DNAJC15: variants seen among roughly 807,000 people sequenced by gnomAD.
DNAJC15 encodes dnaJ homolog subfamily C member 15.
In DNAJC15, 27 loss-of-function variants were observed where a neutral mutation model predicts 22.4. The observed-to-expected ratio is 1.20, with a 90% CI of 0.89 to 1.66. The LOEUF is 1.66. DNAJC15 is among the 40% of genes most tolerant of loss of function. The pLI is 0.00. For missense variants in DNAJC15, 208 were observed against 187.1 expected (o/e 1.11, Z -0.65); for synonymous variants, 79 against 63.2 (o/e 1.25, Z -1.19).
intron 5 of DNAJC15, among the ~76,000 whole-genome samples, chr13:43,098,193 ACT>A (rs912998513): frequency 1.5e-4 from 23 of 151,938 alleles, no homozygotes; most frequent in African/African-American, 5.3e-4. Flanking sequence ...CTGAGAAGAA[ACT>A]CTAAGCAGTG....
intron 5 of DNAJC15, among the ~76,000 whole-genome samples, chr13:43,090,264 G>A (rs1421261243): frequency 6.6e-6 from 1 of 152,216 alleles, no homozygotes; most frequent in African/African-American, 2.4e-5. Context: ...CATGGGCATG[G>A]TATGATGAAA....
intron 1 of DNAJC15, among the ~76,000 whole-genome samples, chr13:43,047,863 A>T (rs765539738): frequency 2.0e-5 from 3 of 152,218 alleles, no homozygotes; most frequent in Admixed American, 6.5e-5. Context: ...GATGAGGAAG[A>T]TGATGGTACA....
chr13:43,059,069 A>C (rs1480254780), intron 1 of DNAJC15, among the ~76,000 whole-genome samples: 1 of 152,112 alleles, frequency 6.6e-6, no homozygotes, highest in Non-Finnish European at 1.5e-5. Context: ...TTGGAGCAAA[A>C]GTTCACGGTG....
intron 1 of DNAJC15, among the ~76,000 whole-genome samples, chr13:43,038,048 A>G (rs757452854): frequency 2.6e-5 from 4 of 152,114 alleles, no homozygotes; most frequent in African/African-American, 2.4e-5. Context: ...TGATTCCCCC[A>G]TTGTTGGGTA....
chr13:43,031,522 T>C (rs2040403845), intron 1 of DNAJC15, among the ~76,000 whole-genome samples: 1 of 152,164 alleles, frequency 6.6e-6, no homozygotes, highest in African/African-American at 2.4e-5. Context: ...TGCGTTACAG[T>C]GGGCAGTACT....
At chr13:43,099,553 C>T (rs1436964177) in intron 5 of DNAJC15, among the ~76,000 whole-genome samples, 2 of 152,222 alleles carry the variant, frequency 1.3e-5, no homozygotes, top group Non-Finnish European at 2.9e-5. Context: ...ACTTAGAGAA[C>T]GTCTGTCTAT....
chr13:43,032,807 A>C (rs945697132), intron 1 of DNAJC15, among the ~76,000 whole-genome samples: 4 of 152,216 alleles, frequency 2.6e-5, no homozygotes, highest in African/African-American at 9.6e-5. Context: ...CCTGGGTGAC[A>C]GAGCAAGACT....
intron 5 of DNAJC15, among the ~76,000 whole-genome samples, chr13:43,090,201 G>A (rs1231705946): frequency 1.3e-5 from 2 of 152,234 alleles, no homozygotes; most frequent in Admixed American, 6.5e-5. Context: ...AGATAAAGAA[G>A]CAAAGTAGAT....
At chr13:43,055,302 C>T (rs1407414493) in intron 1 of DNAJC15, among the ~76,000 whole-genome samples, 1 of 152,096 alleles carries the variant, frequency 6.6e-6, no homozygotes. Context: ...TCGTCAGGCC[C>T]TAGGAGGATA....
chr13:43,090,080 T>C (rs1010225985), intron 5 of DNAJC15, among the ~76,000 whole-genome samples: 5 of 152,182 alleles, frequency 3.3e-5, no homozygotes, highest in Non-Finnish European at 7.3e-5. Context: ...TTCAGACAAA[T>C]TTAGCAGAGT....
At chr13:43,052,788 G>A (rs9533364) in intron 1 of DNAJC15, among the ~76,000 whole-genome samples, 36,244 of 152,082 alleles carry the variant, frequency 0.24, 4,787 homozygotes, top group Non-Finnish European at 0.3. Flanking sequence ...TAGATAGTGT[G>A]TATTAGTCCT....
At chr13:43,050,005 A>G (rs925065822) in intron 1 of DNAJC15, among the ~76,000 whole-genome samples, 4 of 152,136 alleles carry the variant, frequency 2.6e-5, no homozygotes, top group South Asian at 4.1e-4. Flanking sequence ...TGCAACTTCC[A>G]CTTCCCAGGT....
intron 4 of DNAJC15, among the ~76,000 whole-genome samples, chr13:43,082,467 A>T (rs1348645504): frequency 1.3e-5 from 2 of 152,196 alleles, no homozygotes; most frequent in East Asian, 3.8e-4. Flanking sequence ...TAATATAATA[A>T]TAACTAAAAG....
At chr13:43,047,674 G>C (rs932736293) in intron 1 of DNAJC15, among the ~76,000 whole-genome samples, 1 of 152,202 alleles carries the variant, frequency 6.6e-6, no homozygotes, top group Non-Finnish European at 1.5e-5. Flanking sequence ...TGGAGCCCAG[G>C]CCTGATTAAC....
intron 5 of DNAJC15, among the ~76,000 whole-genome samples, chr13:43,104,378 C>A (rs147698686): frequency 3.3e-5 from 5 of 152,164 alleles, no homozygotes; most frequent in African/African-American, 9.7e-5. Flanking sequence ...AGTGCATTTC[C>A]GTTATCTCCA....
intron 5 of DNAJC15, among the ~76,000 whole-genome samples, chr13:43,087,780 T>C (rs1450018229): frequency 6.6e-6 from 1 of 152,212 alleles, no homozygotes; most frequent in East Asian, 1.9e-4. Flanking sequence ...CATTTCATTA[T>C]CAGCTGTGCA....
chr13:43,093,022 C>T (rs939497946), intron 5 of DNAJC15, among the ~76,000 whole-genome samples: 19 of 152,220 alleles, frequency 1.2e-4, no homozygotes, highest in Admixed American at 1.2e-3. Context: ...TAAAGTAATA[C>T]TGGGACTATT....
chr13:43,097,208 CTA>C (rs1310765643), intron 5 of DNAJC15, among the ~76,000 whole-genome samples: 1 of 152,160 alleles, frequency 6.6e-6, no homozygotes, highest in African/African-American at 2.4e-5. Context: ...GAAATTCTCT[CTA>C]AGGAGATAAT....
intron 1 of DNAJC15, among the ~76,000 whole-genome samples, chr13:43,051,634 G>GGGGTGTGTGT (rs1555274770): frequency 2.3e-5 from 3 of 133,056 alleles, no homozygotes; most frequent in Non-Finnish European, 4.9e-5. Context: ...AGTACTTCAT[G>GGGGTGTGTGT]GTGTGTGTGT....
Sources: gnomAD v4.1 joint callset for allele counts (sites outside exome capture counted in the v4.1 genomes callset) on GRCh38, gnomAD v4.1.1 for gene constraint, MANE v1.5 for transcripts, NCBI Gene and HGNC (gene_info 2026-07-23, HGNC 2026-07-21) for gene names.